MIB1: variants seen among roughly 807,000 people sequenced by gnomAD.
MIB1 encodes MIB E3 ubiquitin protein ligase 1.
Under a neutral mutation model 124.5 loss-of-function variants are expected in MIB1, and 278 were observed. The observed-to-expected ratio is 2.23, with a 90% CI of 2.02 to 2.47. The LOEUF (loss-of-function observed/expected upper bound fraction) is 2.47, where lower values mean the gene tolerates loss of function less well. Ranked by LOEUF, MIB1 falls within the 30% of genes most tolerant of loss-of-function variation. The probability of loss-of-function intolerance (pLI) is 0.00; values close to 1 mark genes in which losing one functional copy is unlikely to be tolerated. For missense variants in MIB1, 957 were observed against 1,254.4 expected (o/e 0.76, Z 3.58); for synonymous variants, 446 against 429.4 (o/e 1.04, Z -0.48).
At chr18:21,787,003 C>T (rs535147581) in intron 6 of MIB1, among the ~76,000 whole-genome samples, 1 of 150,148 alleles carries the variant, frequency 6.7e-6, no homozygotes, top group Admixed American at 6.6e-5. Context: ...TATATGGCTT[C>T]GTATTGAAAG....
chr18:21,816,665 A>T (rs2041832308), intron 11 of MIB1, among the ~76,000 whole-genome samples: 1 of 152,238 alleles, frequency 6.6e-6, no homozygotes. Flanking sequence ...AGTTTAGATA[A>T]TTTACAGCAT....
intron 16 of MIB1, among the ~76,000 whole-genome samples, chr18:21,848,030 A>G (rs944171940): frequency 6.6e-6 from 1 of 152,192 alleles, no homozygotes; most frequent in Non-Finnish European, 1.5e-5. Flanking sequence ...TGCCTCTCTC[A>G]TAATTTATGT....
chr18:21,815,256 A>G (rs958539747), intron 10 of MIB1, among the ~76,000 whole-genome samples: 1 of 149,980 alleles, frequency 6.7e-6, no homozygotes, highest in African/African-American at 2.5e-5. Flanking sequence ...GTAACTTGAA[A>G]CTCCTTGGCT....
intron 1 of MIB1, among the ~76,000 whole-genome samples, chr18:21,720,795 GAAAT>G (rs1174981373): frequency 6.6e-6 from 1 of 152,026 alleles, no homozygotes; most frequent in African/African-American, 2.4e-5. Context: ...CAAAAAATAA[GAAAT>G]AAAAAATTAG....
chr18:21,781,371 A>ATATG lies in MIB1; in HGVS notation c.908+1689_908+1690insGTAT, dbSNP rs1278149896. Among the ~76,000 whole-genome samples the ATATG allele has an allele frequency of 1.8e-3, 36 of 19,884 alleles. No individual in the cohort carries two copies. In the East Asian group the frequency reaches 0.053, roughly 29 times the overall value. 13.0% of individuals were successfully genotyped at this position (19,884 alleles called of 152,430 possible). ...CATTATTGGTCTGTTCAAGTTATAT[A>ATATG]TATATATATATATATATATATATAT... On this transcript the variant is annotated intron_variant, in intron 6 of 20. Transcript: ENST00000261537.
At chr18:21,725,594 A>G (rs2040737989) in intron 1 of MIB1, among the ~76,000 whole-genome samples, 1 of 152,180 alleles carries the variant, frequency 6.6e-6, no homozygotes. Context: ...CTCTAAGGTA[A>G]CTGGAGTCAT....
intron 1 of MIB1, among the ~76,000 whole-genome samples, chr18:21,710,155 C>T (rs1435429037): frequency 2.0e-5 from 3 of 150,730 alleles, no homozygotes; most frequent in African/African-American, 7.3e-5. Flanking sequence ...GAATCTCTCT[C>T]TGTCGCCCAG....
chr18:21,846,861 C>CCA (rs2042138829), intron 15 of MIB1, 83 bp from the exon 16 acceptor site: 4 of 1,331,216 alleles, frequency 3.0e-6, no homozygotes, highest in Non-Finnish European at 4.2e-6. Flanking sequence ...TAAGTGTCCA[C>CCA]CACACACACA....
chr18:21,716,585 C>T (rs2040690607), intron 1 of MIB1, among the ~76,000 whole-genome samples: 1 of 152,220 alleles, frequency 6.6e-6, no homozygotes, highest in Non-Finnish European at 1.5e-5. Flanking sequence ...GGCACGGTGG[C>T]TCACGCCTGT....
intron 20 of MIB1, among the ~76,000 whole-genome samples, chr18:21,860,359 C>T (rs2042266655): frequency 6.6e-6 from 1 of 151,928 alleles, no homozygotes; most frequent in Non-Finnish European, 1.5e-5. Flanking sequence ...CCTTGGCCTC[C>T]CAGAGTGCTG....
chr18:21,791,487 T>G lies in MIB1; in HGVS notation c.1022T>G (p.Val341Gly). The G allele has an allele frequency of 6.2e-7, 1 of 1,614,062 alleles. No individual in the cohort carries two copies. Among genetic ancestry groups the G allele is most frequent in the Non-Finnish European group, 8.5e-7 (1 of 1,179,966 alleles). The change falls in exon 7 of 21, where the codon GTT becomes GGT. Residue 341 changes from valine to glycine, a missense_variant. Coordinates refer to ENST00000261537, the MANE Select transcript of MIB1 (RefSeq NM_020774.4). Reference protein sequence around the residue: ...SQFQVGDLVQVCYDLERIKLL... With the variant: ...SQFQVGDLVQGCYDLERIKLL... ...TTTCAAGTGGGTGATCTTGTACAAG[T>G]TTGTTATGACCTGGAACGAATTAAA... is the stretch of plus-strand genomic sequence containing the variant.
chr18:21,777,975 G>A (rs1209357202), intron 4 of MIB1, 128 bp from the exon 5 acceptor site: 5 of 639,276 alleles, frequency 7.8e-6, no homozygotes, highest in Non-Finnish European at 8.3e-6. Context: ...TGTTTAGTGT[G>A]ATTGTTGACC....
upstream of MIB1, among the ~76,000 whole-genome samples, chr18:21,736,275 C>T (rs1398054893): frequency 6.6e-6 from 1 of 152,206 alleles, no homozygotes; most frequent in Non-Finnish European, 1.5e-5. Context: ...AGCAGACCTG[C>T]AGCAGAGGTT....
At chr18:21,713,297 TAAATTATTTAA>T (rs879845098) in intron 1 of MIB1, among the ~76,000 whole-genome samples, 91,459 of 151,476 alleles carry the variant, frequency 0.6, 30,378 homozygotes, top group African/African-American at 0.9. Context: ...AGATGGAAAA[TAAATTATTTAA>T]TTAATAAATT....
rs6508643 is a variant in MIB1, at chr18:21,848,231, A to T, written c.2394-965A>T. ...TCTGAGCACTTTGGGAGGCCGAGGC[A>T]GGTGGATTGAGGTCAGGAGTTCAAG... On this transcript the variant is annotated intron_variant, in intron 16 of 20. Coordinates refer to ENST00000261537, the MANE Select transcript of MIB1 (RefSeq NM_020774.4). 3.9e-5 allele frequency among the ~76,000 whole-genome samples: 6 copies of T among 152,258 alleles called. No homozygotes were observed. In the East Asian group the frequency reaches 1.2e-3, roughly 29 times the overall value.
At chr18:21,757,093 T>TA (rs886406518) in intron 1 of MIB1, among the ~76,000 whole-genome samples, 5 of 152,074 alleles carry the variant, frequency 3.3e-5, no homozygotes, top group African/African-American at 4.8e-5. Context: ...ATGCAACTCT[T>TA]ACTATGGTAA....
intron 1 of MIB1, among the ~76,000 whole-genome samples, chr18:21,725,012 G>A (rs866751198): frequency 1.4e-5 from 2 of 143,780 alleles, no homozygotes; most frequent in East Asian, 4.3e-4. Flanking sequence ...GGAGAATGGC[G>A]TGAACGCGGG....
rs753331249 is a variant in MIB1 at position 21,847,002 on chromosome 18, G to A, written c.2270G>A (p.Cys757Tyr). Residue 757 changes from cysteine (C) to tyrosine (Y), a missense_variant, in exon 16 of 21, where the codon TGT (cysteine) becomes TAT (tyrosine). By Grantham distance (194) the Cys-to-Tyr change is radical (BLOSUM62 -2). Coordinates refer to ENST00000261537, the MANE Select transcript of MIB1 (RefSeq NM_020774.4). The part of the protein sequence containing the change: ...AEKKSAASIA[C>Y]FLAANGADLS... ...AAGAAGAGTGCAGCATCTATTGCCT[G>A]TTTCTTGGCAGCCAATGGTGCTGAC... is the stretch of plus-strand genomic sequence containing the variant. 1 of 1,614,182 alleles carries A rather than the reference G, an allele frequency of 6.2e-7. No homozygotes were observed. Among genetic ancestry groups the A allele is most frequent in the South Asian group, 1.1e-5 (1 of 91,086 alleles).
intron 10 of MIB1, among the ~76,000 whole-genome samples, chr18:21,813,895 C>T (rs2041801365): frequency 1.3e-5 from 2 of 152,050 alleles, no homozygotes; most frequent in African/African-American, 2.4e-5. Context: ...GGGACAGACA[C>T]ATGGTCTTGG....
Sources: allele counts gnomAD v4.1 joint callset (sites outside exome capture counted in the v4.1 genomes callset), GRCh38; gene constraint gnomAD v4.1.1; transcripts MANE v1.5; gene names NCBI Gene and HGNC (gene_info 2026-07-23, HGNC 2026-07-21).